ZNF69: variants seen among roughly 807,000 people sequenced by gnomAD.
ZNF69 encodes the protein ZNF3.
ZNF69 carries 47 observed loss-of-function variants against 50.9 expected under a neutral mutation model. The observed-to-expected ratio is 0.92, with a 90% CI of 0.73 to 1.18. ZNF69 has a LOEUF of 1.18. Among genes scored for constraint, ZNF69 ranks in the 50% most tolerant of loss-of-function variants. The pLI is 0.00. For missense variants in ZNF69, 717 were observed against 675.1 expected (o/e 1.06, Z -0.69); for synonymous variants, 216 against 223.1 (o/e 0.97, Z 0.29).
the ZNF69 span, among the ~76,000 whole-genome samples, chr19:11,972,503 A>G: frequency 6.6e-6 from 1 of 152,276 alleles, no homozygotes; most frequent in South Asian, 2.1e-4. Flanking sequence ...ATAATGATGG[A>G]GCCAGTATTG....
chr19:11,971,969 G>C, the ZNF69 span, among the ~76,000 whole-genome samples: 1 of 151,938 alleles, frequency 6.6e-6, no homozygotes, highest in African/African-American at 2.4e-5. Flanking sequence ...GGATGAGGCA[G>C]GAGAATCGCT....
Position 11,904,891 on chromosome 19 carries a change from A to T in ZNF69, c.494A>T (p.Lys165Met), listed in dbSNP as rs1015259187. The change falls in exon 4 of 4, where the codon AAG becomes ATG. Residue 165 changes from lysine to methionine, a missense_variant. Coordinates refer to ENST00000429654, the MANE Select transcript of ZNF69 (RefSeq NM_001364730.1). ...CAGGAATATGGACCGAAGCCATGTA[A>T]GTGTCAACAACCTAAAAAAGCCTTC... ...EYQEYGPKPC[K>M]CQQPKKAFRY... 1.2e-6 allele frequency: 2 copies of T among 1,614,096 alleles called. No individual in the cohort carries two copies. The highest frequency in any genetic ancestry group is 2.7e-5 in the African/African-American group (2 of 74,942).
chr19:11,936,986 T>C, the ZNF69 span, among the ~76,000 whole-genome samples: 7,823 of 152,270 alleles, frequency 0.051, 278 homozygotes, highest in African/African-American at 0.095. Context: ...TCGTCAAAGA[T>C]CAGATGGTTG....
At chr19:11,921,371 A>G in the ZNF69 span, among the ~76,000 whole-genome samples, 1 of 151,536 alleles carries the variant, frequency 6.6e-6, no homozygotes, top group Non-Finnish European at 1.5e-5. Flanking sequence ...GTCTCACTAT[A>G]TTGCCCAGGC....
At chr19:11,896,753 A>G (rs1020709501) in intron 1 of ZNF69, among the ~76,000 whole-genome samples, 1 of 152,098 alleles carries the variant, frequency 6.6e-6, no homozygotes, top group Non-Finnish European at 1.5e-5. Flanking sequence ...CCCCCCAACC[A>G]TATTCTATAG....
At chr19:11,972,664 G>A in the ZNF69 span, among the ~76,000 whole-genome samples, 8 of 152,252 alleles carry the variant, frequency 5.3e-5, no homozygotes, top group East Asian at 1.5e-3. Flanking sequence ...ACCTTACATG[G>A]AATGATAGTT....
intron 4 of ZNF69, among the ~76,000 whole-genome samples, chr19:11,913,153 C>G (rs1206932125): frequency 2.6e-5 from 4 of 151,606 alleles, no homozygotes; most frequent in African/African-American, 7.3e-5. Flanking sequence ...GCCAAGATTG[C>G]GCCACTGCAC....
At chr19:11,931,529 A>G in the ZNF69 span, among the ~76,000 whole-genome samples, 1 of 148,290 alleles carries the variant, frequency 6.7e-6, no homozygotes, top group Non-Finnish European at 1.5e-5. Context: ...CCTCCCAACA[A>G]TATTCTATAG....
chr19:11,971,178 G>A, the ZNF69 span, among the ~76,000 whole-genome samples: 4 of 152,182 alleles, frequency 2.6e-5, no homozygotes, highest in Admixed American at 6.5e-5. Context: ...AGGTTGTGAA[G>A]TCCATGTTCA....
chr19:11,896,063 T>C (rs945107504), intron 1 of ZNF69, among the ~76,000 whole-genome samples: 4 of 151,472 alleles, frequency 2.6e-5, no homozygotes, highest in African/African-American at 9.7e-5. Flanking sequence ...CTACTAAAAG[T>C]ACAAAATTAG....
intron 1 of ZNF69, among the ~76,000 whole-genome samples, chr19:11,895,212 G>A (rs1977196782): frequency 6.6e-6 from 1 of 152,200 alleles, no homozygotes; most frequent in Non-Finnish European, 1.5e-5. Flanking sequence ...TGATTGCATA[G>A]ATCAGGTAAG....
At chr19:11,897,602 G>T (rs1336706924) in intron 1 of ZNF69, among the ~76,000 whole-genome samples, 1 of 150,772 alleles carries the variant, frequency 6.6e-6, no homozygotes, top group African/African-American at 2.4e-5. Flanking sequence ...GTCAGGTGCG[G>T]TAGCTCACGT....
the ZNF69 span, chr19:11,947,320 A>G: frequency 3.1e-6 from 5 of 1,613,356 alleles, no homozygotes; most frequent in African/African-American, 2.7e-5. Flanking sequence ...AAGGATGACA[A>G]TATTCCTTCC....
At chr19:11,943,106 CTAT>C in the ZNF69 span, among the ~76,000 whole-genome samples, 10 of 152,188 alleles carry the variant, frequency 6.6e-5, no homozygotes, top group South Asian at 8.3e-4. Flanking sequence ...AAGCAGGTTT[CTAT>C]TATTATTATT....
At chr19:11,974,018 G>A in the ZNF69 span, among the ~76,000 whole-genome samples, 3 of 151,858 alleles carry the variant, frequency 2.0e-5, no homozygotes, top group East Asian at 3.9e-4. Context: ...TACCCCACCA[G>A]GTGTTTGCTG....
At chr19:11,977,094 G>A in the ZNF69 span, 1 of 1,614,148 alleles carries the variant, frequency 6.2e-7, no homozygotes. Context: ...AGTGGGCTTT[G>A]CTGGATATTT....
the ZNF69 span, among the ~76,000 whole-genome samples, chr19:11,957,098 T>G: frequency 1.3e-5 from 2 of 151,264 alleles, no homozygotes; most frequent in African/African-American, 2.4e-5. Flanking sequence ...TAAGTTTTTT[T>G]TTTTTTTTTT....
At chr19:11,971,711 A>G in the ZNF69 span, among the ~76,000 whole-genome samples, 1 of 152,160 alleles carries the variant, frequency 6.6e-6, no homozygotes, top group Non-Finnish European at 1.5e-5. Flanking sequence ...GACTTTTTGC[A>G]TAATAATCAT....
chr19:11,970,411 C>T, the ZNF69 span, among the ~76,000 whole-genome samples: 1 of 152,170 alleles, frequency 6.6e-6, no homozygotes, highest in Non-Finnish European at 1.5e-5. Flanking sequence ...GTAAAGTTTT[C>T]TTCTGTTATA....
Sources: allele counts gnomAD v4.1 joint callset (sites outside exome capture counted in the v4.1 genomes callset), GRCh38; gene constraint gnomAD v4.1.1; transcripts MANE v1.5; gene names NCBI Gene and HGNC (gene_info 2026-07-23, HGNC 2026-07-21).